Variants in DZIP1L observed in about 807,000 individuals in gnomAD.
DZIP1L encodes the protein cilium assembly protein DZIP1L.
DZIP1L carries 90 observed loss-of-function variants against 88.7 expected under a neutral mutation model. The ratio of observed to expected loss-of-function variants is 1.02; its 90% CI spans 0.86 to 1.21. The LOEUF is 1.21. DZIP1L is among the 50% of genes most tolerant of loss of function. DZIP1L has a pLI of 0.00. For synonymous variants in DZIP1L, 363 were observed against 372.1 expected, an observed-to-expected ratio of 0.98 and a Z score of 0.28; for missense variants, 932 against 955.8, an observed-to-expected ratio of 0.98 and a Z score of 0.33.
At chr3:138,095,311 C>T (rs747064342) in intron 3 of DZIP1L, among the ~76,000 whole-genome samples, 16 of 151,826 alleles carry the variant, frequency 1.1e-4, no homozygotes, top group Admixed American at 8.5e-4. Context: ...AGTACTGACA[C>T]GTGGAAATAG....
In DZIP1L at chr3:138,088,405, C is replaced by A. The variant is rs746836615; in HGVS notation, c.973G>T (p.Ala325Ser). The A allele has an allele frequency of 3.1e-6, 5 of 1,613,244 alleles. No individual in the cohort carries two copies. The African/African-American group carries it at 4.0e-5, about 13-fold the overall frequency. Residue 325 changes from alanine to serine, a missense_variant, in exon 6 of 16, where the codon GCC (alanine) becomes TCC (serine). By Grantham distance (99) the Ala-to-Ser change is moderately conservative. Transcript: ENST00000327532. Reference sequence around the variant, plus strand: ...TGAATTTCTGTCTTCTCTCTCAGGGCCTGAAGCTCCCGTGCCTGCCGAAGC... The same window carrying A: ...TGAATTTCTGTCTTCTCTCTCAGGGACTGAAGCTCCCGTGCCTGCCGAAGC... ...EWLRQARELQ[A>S]LREKTEIQKT...
intron 6 of DZIP1L, among the ~76,000 whole-genome samples, chr3:138,087,832 T>C (rs72973018): frequency 0.025 from 3,883 of 152,288 alleles, 155 homozygotes; most frequent in African/African-American, 0.088. Context: ...CAGACTGCAG[T>C]AAAATTCATC....
intron 15 of DZIP1L, 62 bp downstream of exon 15, chr3:138,064,566 C>A (rs1318834495): frequency 6.2e-7 from 1 of 1,613,632 alleles, no homozygotes; most frequent in African/African-American, 1.3e-5. Context: ...CCCAGGCCCC[C>A]CAAACTCAGA....
rs1160841809 is a variant in DZIP1L, at chr3:138,068,301, G to A, written c.1682C>T (p.Ala561Val). Residue 561 changes from alanine to valine, a missense_variant, in exon 13 of 16, where the codon GCC becomes GTC. Coordinates refer to ENST00000327532, the MANE Select transcript of DZIP1L (RefSeq NM_173543.3). Reference protein sequence around the residue: ...AQPKTRTLQVALPSTPAEPPP... With the variant: ...AQPKTRTLQVVLPSTPAEPPP... ...TGGCTCTGCCGGTGTGGATGGCAAG[G>A]CCACCTGCAGGGTCCTGGTCTTTGG... The A allele has an allele frequency of 9.4e-6, 15 of 1,595,328 alleles. No individual in the cohort carries two copies. Among genetic ancestry groups the A allele is most frequent in the Non-Finnish European group, 1.2e-5 (14 of 1,170,020 alleles).
rs966939757 is a variant in DZIP1L at position 138,063,478 on chromosome 3, G to T, written c.2143-501C>A. ...GGAGTCCTTCAGCCTGGAAGGGTCTGCACTGCAGCCAGCAGGACAGCTCAG... is the reference window on the plus strand; with the variant it reads ...GGAGTCCTTCAGCCTGGAAGGGTCTTCACTGCAGCCAGCAGGACAGCTCAG... On this transcript the variant is annotated intron_variant, in intron 15 of 15. Transcript: ENST00000327532. This position sits in a 1 kb window ranked among gnomAD's most constrained non-coding sequence, Gnocchi z 4.1. Among the ~76,000 whole-genome samples the T allele has an allele frequency of 6.6e-6, 1 of 152,222 alleles. No individual in the cohort carries two copies. The highest frequency in any genetic ancestry group is 2.4e-5 in the African/African-American group (1 of 41,458).
intron 1 of DZIP1L, among the ~76,000 whole-genome samples, chr3:138,104,801 G>C (rs1282409043): frequency 6.6e-6 from 1 of 151,992 alleles, no homozygotes; most frequent in East Asian, 1.9e-4. Context: ...TAGTTTCTTT[G>C]CCAAGACTCA....
intron 1 of DZIP1L, among the ~76,000 whole-genome samples, chr3:138,114,815 C>T (rs1014965096): frequency 6.6e-6 from 1 of 152,158 alleles, no homozygotes; most frequent in Non-Finnish European, 1.5e-5. Context: ...GCGCAGCCAC[C>T]TCAGGATGAA....
intron 11 of DZIP1L, among the ~76,000 whole-genome samples, chr3:138,074,267 T>C (rs1295702825): frequency 2.6e-5 from 4 of 152,178 alleles, no homozygotes; most frequent in Non-Finnish European, 5.9e-5. Context: ...ACCGGTTATC[T>C]AAAGTCAAGA....
chr3:138,097,924 C>A (rs1381702241), intron 2 of DZIP1L, 77 bp from the exon 3 acceptor site: 1 of 1,308,640 alleles, frequency 7.6e-7, no homozygotes, highest in Non-Finnish European at 1.1e-6. Context: ...ATATCAAAGC[C>A]CCCATCCCCT....
Position 138,071,665 on chromosome 3 carries a change from G to A in DZIP1L, c.1593C>T (p.Ser531=). The A allele has an allele frequency of 6.2e-7, 1 of 1,613,714 alleles. No individual in the cohort carries two copies. The highest frequency in any genetic ancestry group is 8.5e-7 in the Non-Finnish European group (1 of 1,179,760). The change falls in exon 12 of 16, where the codon TCC becomes TCT. Residue 531 remains serine (S), a synonymous_variant. Coordinates refer to ENST00000327532, the MANE Select transcript of DZIP1L (RefSeq NM_173543.3). ...KERQENGAVV[S]QPDGQPSVKS... Reference sequence around the variant, plus strand: ...TACCTGAAGGCTGCCCGTCTGGCTGGGACACCACAGCGCCATTCTCCTGTC... The same window carrying A: ...TACCTGAAGGCTGCCCGTCTGGCTGAGACACCACAGCGCCATTCTCCTGTC...
chr3:138,065,583 T>C (rs1011139764), intron 14 of DZIP1L, among the ~76,000 whole-genome samples: 1 of 152,224 alleles, frequency 6.6e-6, no homozygotes, highest in East Asian at 1.9e-4. Context: ...TGCCACCCTA[T>C]TGCCCTTGCC....
At chr3:138,066,722 C>T (rs1472137134) in intron 14 of DZIP1L, among the ~76,000 whole-genome samples, 1 of 151,964 alleles carries the variant, frequency 6.6e-6, no homozygotes, top group Non-Finnish European at 1.5e-5. Flanking sequence ...TCACACGCCT[C>T]GAGCTTCCAC....
At chr3:138,078,541 G>A (rs777376829) in intron 10 of DZIP1L, among the ~76,000 whole-genome samples, 6 of 152,132 alleles carry the variant, frequency 3.9e-5, no homozygotes, top group Admixed American at 6.5e-5. Flanking sequence ...AATAAACAGC[G>A]AAGCCTGAGA....
chr3:138,078,393 A>C (rs1482118819), intron 10 of DZIP1L, among the ~76,000 whole-genome samples: 1 of 152,140 alleles, frequency 6.6e-6, no homozygotes, highest in South Asian at 2.1e-4. Context: ...CTCGTCCCCC[A>C]AGGACCTCAC....
chr3:138,089,289 A>G (rs1318150877), intron 5 of DZIP1L: 1 of 985,132 alleles, frequency 1.0e-6, no homozygotes, highest in Non-Finnish European at 1.2e-6. Context: ...TCAGAGTCAA[A>G]TGCTTGATCA....
At chr3:138,115,055 C>T (rs1252473188) in intron 1 of DZIP1L, among the ~76,000 whole-genome samples, 4 of 152,194 alleles carry the variant, frequency 2.6e-5, no homozygotes, top group Non-Finnish European at 5.9e-5. Flanking sequence ...ATTCGTCCCC[C>T]GCGCACGGGT....
intron 3 of DZIP1L, among the ~76,000 whole-genome samples, chr3:138,095,834 A>C (rs968239200): frequency 6.6e-6 from 1 of 152,190 alleles, no homozygotes; most frequent in African/African-American, 2.4e-5. Flanking sequence ...ATGTATTATA[A>C]AGAACCAAAG....
chr3:138,078,125 G>A (rs1371914622), intron 10 of DZIP1L, among the ~76,000 whole-genome samples: 3 of 152,206 alleles, frequency 2.0e-5, no homozygotes, highest in Non-Finnish European at 2.9e-5. Context: ...ATGGAGGTAA[G>A]CCACAGACTA....
chr3:138,074,164 GCCTTA>G (rs1943297848), intron 11 of DZIP1L, among the ~76,000 whole-genome samples: 2 of 152,182 alleles, frequency 1.3e-5, no homozygotes, highest in African/African-American at 4.8e-5. Flanking sequence ...AACTTCCCCA[GCCTTA>G]CTAGAGACCT....
Sources: gnomAD v4.1 joint callset for allele counts (sites outside exome capture counted in the v4.1 genomes callset) on GRCh38, gnomAD v4.1.1 for gene constraint, Gnocchi (gnomAD v3.1) non-coding constraint, MANE v1.5 for transcripts, NCBI Gene and HGNC (gene_info 2026-07-23, HGNC 2026-07-21) for gene names.